The following GRM7 variants were observed in gnomAD, a reference collection of about 807,000 sequenced individuals.
GRM7 encodes metabotropic glutamate receptor 7.
In GRM7, 35 loss-of-function variants were observed where a neutral mutation model predicts 84.5. The observed-to-expected ratio is 0.41, with a 90% CI of 0.32 to 0.55. The LOEUF is 0.55. GRM7 is among the 20% of genes least tolerant of loss of function. The pLI, the probability that GRM7 is intolerant of heterozygous loss-of-function variation, is 0.19. For missense variants in GRM7, 1,003 were observed against 1,194.6 expected (o/e 0.84, Z 2.36); for synonymous variants, 487 against 455.1 (o/e 1.07, Z -0.89).
At chr3:7,374,255 T>C (rs1413748381) in intron 4 of GRM7, among the ~76,000 whole-genome samples, 2 of 152,048 alleles carry the variant, frequency 1.3e-5, no homozygotes, top group Non-Finnish European at 2.9e-5. Flanking sequence ...TATATATTTT[T>C]TATTATATAT....
chr3:6,889,616 C>G (rs572701920), intron 1 of GRM7, among the ~76,000 whole-genome samples: 14 of 152,286 alleles, frequency 9.2e-5, no homozygotes, highest in South Asian at 4.2e-4. Context: ...TTTTGATGTG[C>G]TGCTGGATTT....
intron 1 of GRM7, among the ~76,000 whole-genome samples, chr3:7,133,963 T>C (rs1031853677): frequency 1.3e-5 from 2 of 152,108 alleles, no homozygotes; most frequent in Non-Finnish European, 2.9e-5. Flanking sequence ...AAAAAGTATT[T>C]CTCTAATCTA....
chr3:6,889,961 G>A (rs1052362616), intron 1 of GRM7, among the ~76,000 whole-genome samples: 21 of 152,160 alleles, frequency 1.4e-4, no homozygotes, highest in African/African-American at 5.1e-4. Context: ...TTAGTCTTGG[G>A]AGGGTGTACG....
At chr3:7,028,898 GT>G (rs1696079459) in intron 1 of GRM7, among the ~76,000 whole-genome samples, 2 of 152,328 alleles carry the variant, frequency 1.3e-5, no homozygotes, top group Middle Eastern at 6.8e-3. Flanking sequence ...TTCCTTAGAA[GT>G]TAGACATTTA....
chr3:7,717,427 T>C (rs1701804181), intron 9 of GRM7, among the ~76,000 whole-genome samples: 5 of 152,160 alleles, frequency 3.3e-5, no homozygotes, highest in Admixed American at 3.3e-4. Flanking sequence ...CTGGTATATA[T>C]TTTTTCTCCA....
rs554947557 is a variant in GRM7, at chr3:7,340,790, C to T, written c.1033+34138C>T. On this transcript the variant is annotated intron_variant, in intron 4 of 9. Coordinates refer to ENST00000357716, the MANE Select transcript of GRM7 (RefSeq NM_000844.4). ...CAAAAGAATTAGTAATTGCAAATCT[C>T]TGACCAGGAGCCTTAAGTGAAATCA... Among the ~76,000 whole-genome samples, 51 of 152,268 alleles carry T rather than the reference C, an allele frequency of 3.3e-4. 1 individual carries two copies. The highest frequency in any genetic ancestry group is 2.4e-3 in the Admixed American group (37 of 15,282).
At chr3:7,350,809 A>G (rs1020797088) in intron 4 of GRM7, among the ~76,000 whole-genome samples, 3 of 152,090 alleles carry the variant, frequency 2.0e-5, no homozygotes, top group Admixed American at 2.0e-4. Flanking sequence ...TTCCAAACAA[A>G]GTAAACCAGA....
rs34089815 is a variant in GRM7, at chr3:7,604,135, T to TAA, written c.2451+24791_2451+24792dup. Among the ~76,000 whole-genome samples the TAA allele has an allele frequency of 9.4e-3, 1,382 of 146,460 alleles. 23 individuals are homozygous for TAA. The highest frequency in any genetic ancestry group is 0.032 in the African/African-American group (1,270 of 39,870). On this transcript the variant is annotated intron_variant, in intron 8 of 9. Coordinates refer to ENST00000357716, the MANE Select transcript of GRM7 (RefSeq NM_000844.4). ...TAGATAACTTAGAAGGGTTTGTTCTTAAAAAAAAAAAAAAGCATAACTTTC... is the reference window on the plus strand; with the variant it reads ...TAGATAACTTAGAAGGGTTTGTTCTTAAAAAAAAAAAAAAAAGCATAACTTTC...
At chr3:7,118,824 C>T (rs1226418803) in intron 1 of GRM7, among the ~76,000 whole-genome samples, 1 of 151,972 alleles carries the variant, frequency 6.6e-6, no homozygotes. Context: ...TATTTTGTTT[C>T]GTTTTTTCCA....
intron 8 of GRM7, among the ~76,000 whole-genome samples, chr3:7,654,959 T>G (rs1202825481): frequency 6.6e-6 from 1 of 152,154 alleles, no homozygotes; most frequent in African/African-American, 2.4e-5. Context: ...CCTTTCCCTC[T>G]TACACTGGGA....
intron 2 of GRM7, among the ~76,000 whole-genome samples, chr3:7,228,550 C>A (rs1697058301): frequency 6.6e-6 from 1 of 152,140 alleles, no homozygotes; most frequent in Non-Finnish European, 1.5e-5. Context: ...AAACCACAAT[C>A]TAGAGAAAGA....
chr3:7,713,124 GTTTTT>G lies in GRM7; in HGVS notation c.2699-27209_2699-27205del, dbSNP rs5846535. ...ATAGAGAGGATTCGAATTTTGTTTT[GTTTTT>G]TTTTTTTTTTTTTTTTTTTTTTTGA... On this transcript the variant is annotated intron_variant, in intron 9 of 9. Transcript: ENST00000357716. Among the ~76,000 whole-genome samples the G allele has an allele frequency of 6.3e-3, 615 of 96,940 alleles. 4 individuals are homozygous for G. Among genetic ancestry groups the G allele is most frequent in the African/African-American group, 0.022 (582 of 26,688 alleles). 63.6% of individuals were successfully genotyped at this position (96,940 alleles called of 152,430 possible). A position where few individuals can be genotyped will look rare whatever the true frequency, so the allele number is the denominator to read the frequency against.
At chr3:7,290,575 G>A (rs1344597700) in intron 2 of GRM7, among the ~76,000 whole-genome samples, 1 of 152,200 alleles carries the variant, frequency 6.6e-6, no homozygotes, top group Non-Finnish European at 1.5e-5. Flanking sequence ...ATTCTGCTCA[G>A]AATGAGAGGT....
chr3:7,163,643 G>A (rs1009168318), intron 2 of GRM7, among the ~76,000 whole-genome samples: 2 of 152,146 alleles, frequency 1.3e-5, no homozygotes, highest in African/African-American at 4.8e-5. Context: ...ATTTTAGACA[G>A]GGTGGTTGGG....
At chr3:7,147,875 G>A (rs985685967) in intron 2 of GRM7, among the ~76,000 whole-genome samples, 11 of 152,072 alleles carry the variant, frequency 7.2e-5, no homozygotes, top group Admixed American at 3.3e-4. Context: ...TGCAACACTC[G>A]GAAAAACTTC....
intron 1 of GRM7, among the ~76,000 whole-genome samples, chr3:6,900,576 T>C (rs1559317078): frequency 6.6e-6 from 1 of 152,190 alleles, no homozygotes; most frequent in African/African-American, 2.4e-5. Flanking sequence ...AAAAAAATTA[T>C]ATTAACATCT....
At chr3:7,638,373 A>G (rs944681863) in intron 8 of GRM7, among the ~76,000 whole-genome samples, 18 of 151,982 alleles carry the variant, frequency 1.2e-4, no homozygotes, top group African/African-American at 3.6e-4. Context: ...TTGATACTCA[A>G]AATAACTCTC....
intron 8 of GRM7, among the ~76,000 whole-genome samples, chr3:7,639,419 A>AT (rs1698261807): frequency 6.6e-6 from 1 of 152,124 alleles, no homozygotes; most frequent in African/African-American, 2.4e-5. Context: ...CCATTAATAT[A>AT]TTGCAAGTAT....
intron 1 of GRM7, among the ~76,000 whole-genome samples, chr3:6,896,825 T>C (rs910215423): frequency 1.3e-5 from 2 of 152,254 alleles, no homozygotes; most frequent in Admixed American, 6.5e-5. Flanking sequence ...AGTCCCATTG[T>C]TGACTGCTTG....
Sources: allele counts gnomAD v4.1 joint callset (sites outside exome capture counted in the v4.1 genomes callset), GRCh38; gene constraint gnomAD v4.1.1; transcripts MANE v1.5; gene names NCBI Gene and HGNC (gene_info 2026-07-23, HGNC 2026-07-21).